Variants in SCAPER observed in about 807,000 individuals in gnomAD.
SCAPER encodes the protein S-phase cyclin A associated protein in the ER.
In SCAPER, 98 loss-of-function variants were observed where a neutral mutation model predicts 182.2. The ratio of observed to expected loss-of-function variants is 0.54; its 90% CI spans 0.46 to 0.64. The LOEUF (loss-of-function observed/expected upper bound fraction) is 0.64, where lower values mean the gene tolerates loss of function less well. Ranked by LOEUF, SCAPER falls within the 30% of genes least tolerant of loss-of-function variation. SCAPER has a pLI of 0.00. For synonymous variants in SCAPER, 605 were observed against 564.6 expected, an observed-to-expected ratio of 1.07 and a Z score of -1.01; for missense variants, 1,432 against 1,690.0, an observed-to-expected ratio of 0.85 and a Z score of 2.68.
intron 26 of SCAPER, among the ~76,000 whole-genome samples, chr15:76,432,161 G>A (rs1042636377): frequency 6.6e-6 from 1 of 152,218 alleles, no homozygotes; most frequent in African/African-American, 2.4e-5. Context: ...GCCCAAGGGA[G>A]AATGCAGGGA....
chr15:76,726,171 C>A (rs2060589403), intron 17 of SCAPER, among the ~76,000 whole-genome samples: 1 of 66,156 alleles, frequency 1.5e-5, no homozygotes, highest in Non-Finnish European at 3.0e-5. Context: ...CTCTATAACC[C>A]AACAAGAAAA....
intron 5 of SCAPER, among the ~76,000 whole-genome samples, chr15:76,826,912 T>C (rs2151687784): frequency 6.6e-6 from 1 of 152,360 alleles, no homozygotes. Flanking sequence ...AATGGCTAGA[T>C]TATATGATTT....
intron 5 of SCAPER, among the ~76,000 whole-genome samples, chr15:76,835,335 A>T (rs887617663): frequency 3.3e-5 from 5 of 152,156 alleles, no homozygotes; most frequent in Admixed American, 3.3e-4. Context: ...CACATCAAAA[A>T]GTTAATTCAC....
In SCAPER at chr15:76,870,974, G is replaced by A. The variant is rs8031928; in HGVS notation, c.7-8441C>T. Among the ~76,000 whole-genome samples, 1,016 of 152,168 alleles carry A rather than the reference G, an allele frequency of 6.7e-3. 13 individuals carry two copies. Among genetic ancestry groups the A allele is most frequent in the African/African-American group, 0.023 (970 of 41,512 alleles). ...ACAACAACAAAAAACCTTAGAAGTA[G>A]TTACAAGTAACCTCAAATTAATAAG... is the stretch of plus-strand genomic sequence containing the variant. On this transcript the variant is annotated intron_variant, in intron 2 of 31. Coordinates refer to ENST00000563290, the MANE Select transcript of SCAPER (RefSeq NM_020843.4).
At position 76,800,354 on chromosome 15, in the gene SCAPER, A is replaced by C; in HGVS notation, c.505T>G (p.Leu169Val). 1 of 1,606,686 alleles carries C rather than the reference A, an allele frequency of 6.2e-7. No individual in the cohort carries two copies. The highest frequency in any genetic ancestry group is 8.5e-7 in the Non-Finnish European group (1 of 1,173,772). ...KTDAQSRPTS[L>V]AWEVKKMSPG... ...GACATCTTCTTTACTTCCCATGCCA[A>C]TGATGTTGGTCTGCGAATTCAATAT... The change falls in exon 7 of 32, where the codon TTG (leucine) becomes GTG (valine). Residue 169 changes from leucine to valine, a missense_variant. By Grantham distance (32) the Leu-to-Val change is conservative (BLOSUM62 1). Transcript: ENST00000563290.
intron 27 of SCAPER, among the ~76,000 whole-genome samples, chr15:76,385,994 G>A (rs2043263485): frequency 6.6e-6 from 1 of 152,198 alleles, no homozygotes; most frequent in African/African-American, 2.4e-5. Flanking sequence ...CAAGAGCTGT[G>A]TTCCTTTTGG....
At chr15:76,631,222 A>G (rs1046785814) in intron 21 of SCAPER, among the ~76,000 whole-genome samples, 3 of 152,134 alleles carry the variant, frequency 2.0e-5, no homozygotes, top group African/African-American at 7.2e-5. Context: ...CAGCACACTG[A>G]TGGATCTTGA....
chr15:76,511,884 TA>T (rs751943010), intron 23 of SCAPER, among the ~76,000 whole-genome samples: 6,431 of 123,904 alleles, frequency 0.052, 287 homozygotes, highest in African/African-American at 0.096. Context: ...TATATATATA[TA>T]TTTTTTTTTT....
At chr15:76,716,914 T>C (rs543206634) in intron 17 of SCAPER, among the ~76,000 whole-genome samples, 2 of 150,696 alleles carry the variant, frequency 1.3e-5, no homozygotes, top group South Asian at 4.2e-4. Flanking sequence ...GAGATCTACA[T>C]ACAAGTCAAT....
intron 1 of SCAPER, among the ~76,000 whole-genome samples, chr15:76,891,506 C>A (rs2074163540): frequency 6.6e-6 from 1 of 152,056 alleles, no homozygotes; most frequent in African/African-American, 2.4e-5. Context: ...AAAAATTGCA[C>A]AAGCAATACA....
chr15:76,602,408 T>G (rs1292270077), intron 22 of SCAPER, among the ~76,000 whole-genome samples: 1 of 121,682 alleles, frequency 8.2e-6, no homozygotes, highest in Non-Finnish European at 2.0e-5. Context: ...TTGGTGAGTT[T>G]TTTTCTAATC....
At chr15:76,389,261 G>A (rs1353034226) in intron 27 of SCAPER, among the ~76,000 whole-genome samples, 1 of 151,954 alleles carries the variant, frequency 6.6e-6, no homozygotes, top group Admixed American at 6.5e-5. Context: ...AGAACTTTGG[G>A]AGGCTGAGGT....
At position 76,669,323 on chromosome 15, in the gene SCAPER, T is replaced by C. The variant is rs140035486; in HGVS notation, c.2509-3534A>G. Among the ~76,000 whole-genome samples the C allele has an allele frequency of 5.1e-4, 77 of 152,342 alleles. 1 individual carries two copies. Among genetic ancestry groups the C allele is most frequent in the African/African-American group, 1.7e-3 (72 of 41,578 alleles). ...CTAGGCCTATGGTATACTATACCTT[T>C]ATACAGTAGCACTAACATAAAGCAA... On this transcript the variant is annotated intron_variant, in intron 20 of 31. Transcript: ENST00000563290.
intron 10 of SCAPER, 58 bp from the exon 11 acceptor site, chr15:76,767,146 T>C: frequency 7.1e-7 from 1 of 1,416,940 alleles, no homozygotes; most frequent in Non-Finnish European, 9.6e-7. Context: ...TGGAAAGTAA[T>C]CATTTTTTAT....
At chr15:76,557,205 T>C (rs1275436018) in intron 23 of SCAPER, among the ~76,000 whole-genome samples, 1 of 152,178 alleles carries the variant, frequency 6.6e-6, no homozygotes, top group African/African-American at 2.4e-5. Flanking sequence ...GATTCAATGC[T>C]ATTCCTATCA....
At chr15:76,377,422 G>A (rs2042646375) in intron 28 of SCAPER, among the ~76,000 whole-genome samples, 1 of 152,170 alleles carries the variant, frequency 6.6e-6, no homozygotes, top group South Asian at 2.1e-4. Flanking sequence ...CCAGCATGCT[G>A]TGACCCAGTG....
At chr15:76,414,264 A>G (rs2045499617) in intron 26 of SCAPER, among the ~76,000 whole-genome samples, 1 of 152,126 alleles carries the variant, frequency 6.6e-6, no homozygotes, top group Admixed American at 6.6e-5. Flanking sequence ...AGAATTTAGA[A>G]GTAAAGCCAT....
chr15:76,877,086 A>T (rs767139978), intron 2 of SCAPER, among the ~76,000 whole-genome samples: 1 of 151,950 alleles, frequency 6.6e-6, no homozygotes, highest in Non-Finnish European at 1.5e-5. Context: ...AAAATTTAAA[A>T]AATTGGCCCA....
At chr15:76,558,808 GATAT>G (rs1478217080) in intron 23 of SCAPER, among the ~76,000 whole-genome samples, 3 of 151,838 alleles carry the variant, frequency 2.0e-5, no homozygotes, top group Non-Finnish European at 4.4e-5. Context: ...AAGAAAATGT[GATAT>G]ATATACACAC....
Sources: allele counts gnomAD v4.1 joint callset (sites outside exome capture counted in the v4.1 genomes callset), GRCh38; gene constraint gnomAD v4.1.1; transcripts MANE v1.5; gene names NCBI Gene and HGNC (gene_info 2026-07-23, HGNC 2026-07-21).